CPA6: variants seen among roughly 807,000 people sequenced by gnomAD.
CPA6 encodes the protein carboxypeptidase B.
A neutral mutation model predicts 63.3 loss-of-function variants in CPA6; 58 were observed. The observed-to-expected ratio is 0.92, with a 90% CI of 0.74 to 1.14. CPA6 has a LOEUF of 1.14. Ranked by LOEUF, CPA6 falls within the 50% of genes most tolerant of loss-of-function variation. The pLI, the probability that CPA6 is intolerant of heterozygous loss-of-function variation, is 0.00. For synonymous variants in CPA6, 185 were observed against 179.0 expected, an observed-to-expected ratio of 1.03 and a Z score of -0.27; for missense variants, 565 against 526.6, an observed-to-expected ratio of 1.07 and a Z score of -0.71.
chr8:67,433,894 A>G, intron 9 of CPA6, 144 bp downstream of exon 9: 1 of 624,280 alleles, frequency 1.6e-6, no homozygotes, highest in Non-Finnish European at 2.8e-6. Flanking sequence ...ATTGTTAATG[A>G]AGAATAAATG....
chr8:67,492,129 C>T (rs936297547), intron 6 of CPA6, among the ~76,000 whole-genome samples: 2 of 152,134 alleles, frequency 1.3e-5, no homozygotes, highest in African/African-American at 4.8e-5. Flanking sequence ...ATAAATGGAG[C>T]TTAGAACAAA....
At chr8:67,455,230 C>A (rs2128956225) in intron 8 of CPA6, among the ~76,000 whole-genome samples, 1 of 152,256 alleles carries the variant, frequency 6.6e-6, no homozygotes, top group South Asian at 2.1e-4. Context: ...GCTCCAGTTA[C>A]AACTGCATCA....
chr8:67,606,345 AT>A (rs1026343207), intron 2 of CPA6, among the ~76,000 whole-genome samples: 6 of 152,070 alleles, frequency 3.9e-5, no homozygotes, highest in African/African-American at 1.4e-4. Flanking sequence ...TATAATAATA[AT>A]AAAAAAATTA....
chr8:67,432,603 G>C (rs1587417987), intron 9 of CPA6, among the ~76,000 whole-genome samples: 1 of 152,094 alleles, frequency 6.6e-6, no homozygotes, highest in East Asian at 1.9e-4. Context: ...GGGATCACAG[G>C]TGTGTGCCAC....
intron 2 of CPA6, among the ~76,000 whole-genome samples, chr8:67,571,046 G>A (rs957852695): frequency 2.0e-5 from 3 of 152,268 alleles, no homozygotes; most frequent in African/African-American, 2.4e-5. Context: ...CAGAGGTAGC[G>A]ATACTTGCTT....
intron 1 of CPA6, among the ~76,000 whole-genome samples, chr8:67,711,686 TACACACACACACACACACAC>T (rs5892094): frequency 7.5e-6 from 1 of 133,862 alleles, no homozygotes; most frequent in Non-Finnish European, 1.6e-5. Context: ...TATGCCTGTG[TACACACACACACACACACAC>T]ACACACACAC....
chr8:67,635,852 C>T (rs565963068), intron 1 of CPA6, among the ~76,000 whole-genome samples: 2 of 151,750 alleles, frequency 1.3e-5, no homozygotes, highest in Admixed American at 6.6e-5. Flanking sequence ...TTTGTCAATA[C>T]TTCCAAAGAC....
In CPA6 at chr8:67,449,775, A is replaced by C. The variant is rs144120401; in HGVS notation, c.839-15535T>G. Reference sequence around the variant, plus strand: ...CTGTCCTCCACCTCCACCTCCATCAAATGCAATCTGGGGAATCAGTCACCC... The same window carrying C: ...CTGTCCTCCACCTCCACCTCCATCACATGCAATCTGGGGAATCAGTCACCC... On this transcript the variant is annotated intron_variant, in intron 8 of 10. Coordinates refer to ENST00000297770, the MANE Select transcript of CPA6 (RefSeq NM_020361.5). Among the ~76,000 whole-genome samples, 46 of 150,794 alleles carry C rather than the reference A, an allele frequency of 3.1e-4. No homozygotes were observed. The East Asian group carries it at 8.8e-3, about 29-fold the overall frequency.
At chr8:67,428,190 G>A (rs941648957) in intron 9 of CPA6, 59 bp from the exon 10 acceptor site, 1 of 966,720 alleles carries the variant, frequency 1.0e-6, no homozygotes, top group African/African-American at 1.6e-5. Context: ...TAGATACACT[G>A]CTATGTTGTT....
intron 2 of CPA6, among the ~76,000 whole-genome samples, chr8:67,561,212 A>G (rs981191486): frequency 3.9e-5 from 6 of 152,192 alleles, no homozygotes; most frequent in Non-Finnish European, 8.8e-5. Flanking sequence ...TAGTTAAAAA[A>G]ACTGGTTCCA....
At chr8:67,606,078 A>G (rs1398778459) in intron 2 of CPA6, among the ~76,000 whole-genome samples, 2 of 126,262 alleles carry the variant, frequency 1.6e-5, no homozygotes, top group Non-Finnish European at 3.2e-5. Flanking sequence ...TTCCAATTTC[A>G]AGGACAAAAA....
intron 8 of CPA6, among the ~76,000 whole-genome samples, chr8:67,478,495 G>T (rs1811290731): frequency 6.6e-6 from 1 of 152,148 alleles, no homozygotes; most frequent in Admixed American, 6.5e-5. Flanking sequence ...GGGCAATCTT[G>T]TGGGACTGAG....
At chr8:67,528,781 C>T (rs1028129898) in intron 2 of CPA6, among the ~76,000 whole-genome samples, 1 of 151,978 alleles carries the variant, frequency 6.6e-6, no homozygotes, top group Admixed American at 6.5e-5. Flanking sequence ...AAAACCACCG[C>T]CACTTGTTCA....
intron 1 of CPA6, among the ~76,000 whole-genome samples, chr8:67,733,196 C>CAAAAAAAAAAAAAAAAAA (rs1211323183): frequency 6.7e-5 from 1 of 14,894 alleles, no homozygotes; most frequent in African/African-American, 2.1e-4. Flanking sequence ...GACTCCATCT[C>CAAAAAAAAAAAAAAAAAA]AAAAAAAAAA....
rs74635066 is a variant in CPA6, at chr8:67,677,100, G to C, written c.117-52849C>G. ...GTCATCTGTTAGTGCTGACTCCTCC[G>C]TCAGGAGTTGCACAGGGTACAACCT... On this transcript the variant is annotated intron_variant, in intron 1 of 10. Transcript: ENST00000297770. Among the ~76,000 whole-genome samples the C allele has an allele frequency of 6.8e-3, 1,037 of 152,284 alleles. 7 individuals carry two copies. The highest frequency in any genetic ancestry group is 0.024 in the African/African-American group (979 of 41,556).
chr8:67,635,718 G>A (rs1815453861), intron 1 of CPA6, among the ~76,000 whole-genome samples: 1 of 151,660 alleles, frequency 6.6e-6, no homozygotes, highest in Admixed American at 6.6e-5. Flanking sequence ...AGTGAGCCAA[G>A]ATCATGCCAC....
intron 1 of CPA6, among the ~76,000 whole-genome samples, chr8:67,735,862 G>A (rs527733508): frequency 2.4e-4 from 37 of 152,182 alleles, no homozygotes; most frequent in African/African-American, 5.3e-4. Flanking sequence ...AATCAGAAGC[G>A]TATGTTACGG....
intron 2 of CPA6, among the ~76,000 whole-genome samples, chr8:67,528,549 A>G (rs1812412700): frequency 6.6e-6 from 1 of 152,130 alleles, no homozygotes; most frequent in Admixed American, 6.5e-5. Context: ...TCCTATGACC[A>G]GTCTAGACAT....
intron 8 of CPA6, among the ~76,000 whole-genome samples, chr8:67,483,015 C>T (rs949573728): frequency 6.6e-6 from 1 of 152,116 alleles, no homozygotes; most frequent in Non-Finnish European, 1.5e-5. Context: ...TGGACTAGGC[C>T]TCATTTCTAA....
Sources: gnomAD v4.1 joint callset for allele counts (sites outside exome capture counted in the v4.1 genomes callset) on GRCh38, gnomAD v4.1.1 for gene constraint, MANE v1.5 for transcripts, NCBI Gene and HGNC (gene_info 2026-07-23, HGNC 2026-07-21) for gene names.